The following RHBDD1 variants were observed in gnomAD, a reference collection of about 807,000 sequenced individuals.
RHBDD1 encodes rhomboid-related protein 4.
A neutral mutation model predicts 36.3 loss-of-function variants in RHBDD1; 38 were observed. That is an observed-to-expected ratio of 1.05 (90% CI 0.81 to 1.37). RHBDD1 has a LOEUF of 1.37. Ranked by LOEUF, RHBDD1 falls within the 40% of genes most tolerant of loss-of-function variation. RHBDD1 has a pLI of 0.00. For missense variants in RHBDD1, 393 were observed against 377.6 expected, an observed-to-expected ratio of 1.04 and a Z score of -0.34; for synonymous variants, 151 against 136.5, an observed-to-expected ratio of 1.11 and a Z score of -0.74.
intron 8 of RHBDD1, among the ~76,000 whole-genome samples, chr2:226,922,446 A>G (rs1242686810): frequency 1.3e-5 from 2 of 151,764 alleles, no homozygotes; most frequent in Admixed American, 6.6e-5. Context: ...TGACCTTGTG[A>G]TCCGCCCACC....
intron 6 of RHBDD1, 113 bp from the exon 7 acceptor site, chr2:226,908,709 G>A: frequency 1.3e-6 from 1 of 753,466 alleles, no homozygotes; most frequent in Non-Finnish European, 2.3e-6. Flanking sequence ...TAAGTGTTTA[G>A]AAATCATTTG....
intron 5 of RHBDD1, among the ~76,000 whole-genome samples, chr2:226,892,531 G>C (rs1047336854): frequency 6.6e-6 from 1 of 152,184 alleles, no homozygotes; most frequent in Non-Finnish European, 1.5e-5. Context: ...CAAAGAACTT[G>C]TGAATCTTTT....
Position 226,860,586 on chromosome 2 carries a change from T to C in RHBDD1, c.-90-4018T>C, listed in dbSNP as rs561132425. Among the ~76,000 whole-genome samples, 7 of 152,306 alleles carry C rather than the reference T, an allele frequency of 4.6e-5. No individual in the cohort carries two copies. In the South Asian group the frequency reaches 6.2e-4, roughly 14 times the overall value. On this transcript the variant is annotated intron_variant, in intron 3 of 8. Transcript: ENST00000392062. The stretch of plus-strand genomic sequence containing the variant: ...CAGATTTGATCTTTACATGGATCAG[T>C]TGGATTTTCTAAGTTGTCTTGTGAC...
chr2:226,833,581 A>G (rs1170942193), upstream of RHBDD1, among the ~76,000 whole-genome samples: 1 of 152,204 alleles, frequency 6.6e-6, no homozygotes, highest in Non-Finnish European at 1.5e-5. Context: ...AAAAGTTAAA[A>G]TTTATTTTAT....
At position 226,995,506 on chromosome 2, in the gene RHBDD1, G is replaced by C; in HGVS notation, c.932G>C (p.Arg311Thr). The C allele has an allele frequency of 6.2e-7, 1 of 1,611,034 alleles. No homozygotes were observed. The highest frequency in any genetic ancestry group is 8.5e-7 in the Non-Finnish European group (1 of 1,178,124). ...PEEMRRQRLH[R>T]FDSQ ...GAAATGAGGAGACAGCGGCTTCACA[G>C]ATTCGATAGCCAGTGAGGTGGCATC... The change falls in exon 9 of 9, where the codon AGA (arginine) becomes ACA (threonine). Residue 311 changes from arginine to threonine, a missense_variant. Coordinates refer to ENST00000392062, the MANE Select transcript of RHBDD1 (RefSeq NM_001167608.3).
chr2:226,978,308 GC>G (rs1287943240), intron 8 of RHBDD1, among the ~76,000 whole-genome samples: 1 of 152,002 alleles, frequency 6.6e-6, no homozygotes, highest in Non-Finnish European at 1.5e-5. Flanking sequence ...TAGCCTGCTA[GC>G]CCCCCATTAA....
chr2:226,902,270 T>G (rs1947658728), intron 5 of RHBDD1, among the ~76,000 whole-genome samples: 1 of 152,230 alleles, frequency 6.6e-6, no homozygotes, highest in Non-Finnish European at 1.5e-5. Context: ...ACTGTCTGGT[T>G]TTGATGCTGT....
chr2:226,883,334 A>G (rs1945930024), intron 5 of RHBDD1, among the ~76,000 whole-genome samples: 1 of 152,216 alleles, frequency 6.6e-6, no homozygotes, highest in Admixed American at 6.5e-5. Context: ...AAAAATGTAC[A>G]CGTCATACAC....
At chr2:226,809,501 C>T in the RHBDD1 span, among the ~76,000 whole-genome samples, 17 of 152,146 alleles carry the variant, frequency 1.1e-4, no homozygotes, top group East Asian at 9.6e-4. Context: ...TCCTAAATAA[C>T]TTTAACTTGA....
the RHBDD1 span, among the ~76,000 whole-genome samples, chr2:226,830,003 T>C: frequency 6.6e-6 from 1 of 152,078 alleles, no homozygotes; most frequent in East Asian, 1.9e-4. Context: ...TGCCCTTTAT[T>C]ATTACTAGAT....
intron 4 of RHBDD1, among the ~76,000 whole-genome samples, chr2:226,866,665 G>A (rs1197491561): frequency 2.6e-5 from 4 of 152,136 alleles, no homozygotes; most frequent in Non-Finnish European, 5.9e-5. Context: ...GAATGTGAAG[G>A]GGAGGAGAGA....
At chr2:226,932,075 G>GT (rs980330597) in intron 8 of RHBDD1, among the ~76,000 whole-genome samples, 2 of 151,946 alleles carry the variant, frequency 1.3e-5, no homozygotes, top group African/African-American at 2.4e-5. Context: ...AGTATTTTAT[G>GT]TTTTTTTGTA....
At chr2:226,994,214 A>T (rs1398877300) in intron 8 of RHBDD1, among the ~76,000 whole-genome samples, 1 of 152,214 alleles carries the variant, frequency 6.6e-6, no homozygotes, top group African/African-American at 2.4e-5. Flanking sequence ...TCAAGTCCAT[A>T]TATTTATTGA....
intron 3 of RHBDD1, among the ~76,000 whole-genome samples, chr2:226,843,530 T>A (rs1941898657): frequency 6.6e-6 from 1 of 152,214 alleles, no homozygotes; most frequent in Non-Finnish European, 1.5e-5. Flanking sequence ...GAGATACTCA[T>A]GTGGTTTTTG....
chr2:226,843,752 C>T (rs1941925968), intron 3 of RHBDD1, among the ~76,000 whole-genome samples: 1 of 152,056 alleles, frequency 6.6e-6, no homozygotes, highest in African/African-American at 2.4e-5. Flanking sequence ...GTATCTCTTG[C>T]CAGGTTTTGG....
Position 226,997,079 on chromosome 2 carries a change from G to T in RHBDD1, c.*1557G>T, listed in dbSNP as rs1959566077. On this transcript the variant is annotated 3_prime_UTR_variant, in exon 9 of 9. Transcript: ENST00000392062. The stretch of plus-strand genomic sequence containing the variant: ...TCCAATCTGAATTTACCTGGAAGAG[G>T]CCTTGACACCTGCATGGAAATGAGC... The T allele has an allele frequency of 6.6e-6, 1 of 152,176 alleles. No homozygotes were observed. The highest frequency in any genetic ancestry group is 2.4e-5 in the African/African-American group (1 of 41,432). 9.4% of individuals were successfully genotyped at this position (152,176 alleles called of 1,614,324 possible). A position where few individuals can be genotyped will look rare whatever the true frequency, so the allele number is the denominator to read the frequency against.
chr2:226,906,507 G>C, intron 5 of RHBDD1, among the ~76,000 whole-genome samples: 1 of 152,184 alleles, frequency 6.6e-6, no homozygotes, highest in East Asian at 1.9e-4. Flanking sequence ...GTAATGACTT[G>C]TCTTGACCAA....
chr2:226,843,425 T>G (rs1397151098), intron 3 of RHBDD1, among the ~76,000 whole-genome samples: 1 of 152,138 alleles, frequency 6.6e-6, no homozygotes, highest in Non-Finnish European at 1.5e-5. Context: ...ATGGCTCTTA[T>G]TATTTTGAGG....
chr2:226,933,154 C>G (rs1434306635), intron 8 of RHBDD1, among the ~76,000 whole-genome samples: 2 of 152,080 alleles, frequency 1.3e-5, no homozygotes, highest in Non-Finnish European at 2.9e-5. Flanking sequence ...CCCCTGTGAT[C>G]TAATTACCAC....
Sources: allele counts gnomAD v4.1 joint callset (sites outside exome capture counted in the v4.1 genomes callset), GRCh38; gene constraint gnomAD v4.1.1; transcripts MANE v1.5; gene names NCBI Gene and HGNC (gene_info 2026-07-23, HGNC 2026-07-21).